Variants in CYP2A7 observed in about 807,000 individuals in gnomAD.
CYP2A7 encodes the protein cytochrome P450 family 2 subfamily A member 7, also known as cytochrome P450 2A7.
Under a neutral mutation model 42.0 loss-of-function variants are expected in CYP2A7, and 36 were observed. The ratio of observed to expected loss-of-function variants is 0.86; its 90% CI spans 0.66 to 1.13. The LOEUF (loss-of-function observed/expected upper bound fraction) is 1.13, where lower values mean the gene tolerates loss of function less well. CYP2A7 is among the 50% of genes most tolerant of loss of function. The pLI, the probability that CYP2A7 is intolerant of heterozygous loss-of-function variation, is 0.00. For missense variants in CYP2A7, 661 were observed against 634.1 expected (o/e 1.04, Z -0.46); for synonymous variants, 260 against 249.5 (o/e 1.04, Z -0.40).
Position 40,877,523 on chromosome 19 carries a change from C to G in CYP2A7, c.974-146G>C, listed in dbSNP as rs118168059. The G allele has an allele frequency of 1.0e-2, 12,955 of 1,296,926 alleles. 268 individuals are homozygous for G. The highest frequency in any genetic ancestry group is 0.012 in the Non-Finnish European group (11,212 of 952,908). The allele number at this position is 1,296,926 out of a possible 1,614,324, so 80.3% of individuals were successfully genotyped here. ...CATAACAGAACAGACATCGGCCATT[C>G]GCATTGTTGGAGTAGGATCCTGTTA... is the stretch of plus-strand genomic sequence containing the variant. On this transcript the variant is annotated intron_variant, in intron 6 of 8. Coordinates refer to ENST00000301146, the MANE Select transcript of CYP2A7 (RefSeq NM_000764.3).
rs1288558502 is a variant in CYP2A7, at chr19:40,881,712, C to G, written c.220G>C (p.Gly74Arg). Reference protein sequence around the residue: ...CYGPVFTIHLGPRRVVVLCGH... With the variant: ...CYGPVFTIHLRPRRVVVLCGH... ...CACAGCACCACGACCCGCCGGGGCC[C>G]CAAGTGAATGGTGAACACGGGGCCA... Residue 74 changes from glycine to arginine, a missense_variant, in exon 2 of 9, where the codon GGG (glycine) becomes CGG (arginine). By Grantham distance (125) the Gly-to-Arg change is moderately radical. This residue lies in a region of CYP2A7 where 614 missense variants were observed against 552.4 expected (regional missense o/e 1.11). Transcript: ENST00000301146. 4.3e-6 allele frequency: 7 copies of G among 1,610,790 alleles called. No homozygotes were observed. The highest frequency in any genetic ancestry group is 1.1e-5 in the South Asian group (1 of 90,616).
intron 5 of CYP2A7, 91 bp from the exon 6 acceptor site, chr19:40,878,084 C>T (rs3822479): frequency 0.3 from 423,307 of 1,395,504 alleles, 67,013 homozygotes; most frequent in Admixed American, 0.41. Flanking sequence ...TCTCTTTGGT[C>T]CAGACCAAAG....
rs779969613 is a variant in CYP2A7, at chr19:40,880,627, G to T, written c.345C>A (p.Gly115=). 1.7e-5 allele frequency: 27 copies of T among 1,586,978 alleles called. No individual in the cohort carries two copies. The East Asian group carries it at 2.0e-4, about 12-fold the overall frequency. ...ATFDWVFKGY[G]VAFSNGERAK... is the part of the protein sequence containing the mutation. ...CGCGCTCCCCGTTGCTGAACGCCACGCCTGGGGAGGTCAAGGCGGGGGTGG... is the reference window on the plus strand; with the variant it reads ...CGCGCTCCCCGTTGCTGAACGCCACTCCTGGGGAGGTCAAGGCGGGGGTGG... Residue 115 remains glycine, a splice_region_variant and synonymous_variant, in exon 3 of 9, where the codon GGC becomes GGA. Transcript: ENST00000301146.
chr19:40,877,294 C>T lies in CYP2A7; in HGVS notation c.1057G>A (p.Glu353Lys), dbSNP rs1174006564. 1.2e-6 allele frequency: 2 copies of T among 1,612,670 alleles called. No individual in the cohort carries two copies. Among genetic ancestry groups the T allele is most frequent in the Admixed American group, 3.3e-5 (2 of 59,824 alleles). ...FEDRTKMPYMEAVIHEIQRFG... is the reference protein window; with the variant it reads ...FEDRTKMPYMKAVIHEIQRFG... ...CTTTGGATCTCGTGGATCACTGCCT[C>T]CATGTAGGGCATCTTGGTCCGGTCC... The change falls in exon 7 of 9, where the codon GAG becomes AAG. Residue 353 changes from glutamate to lysine, a missense_variant. Physicochemically the swap from Glu to Lys is moderately conservative, Grantham distance 56. Transcript: ENST00000301146.
rs2302986 is a variant in CYP2A7, at chr19:40,877,310, G to C, written c.1041C>G (p.Thr347=). 0.12 allele frequency: 188,796 copies of C among 1,612,550 alleles called. 15,187 individuals are homozygous for C. The highest frequency in any genetic ancestry group is 0.18 in the East Asian group (8,232 of 44,840). ...KNRQPKFEDR[T]KMPYMEAVIH... is the part of the protein sequence containing the mutation. ...TCACTGCCTCCATGTAGGGCATCTT[G>C]GTCCGGTCCTCAAACTTGGGCTGCC... Residue 347 remains threonine (T), a synonymous_variant, in exon 7 of 9, where the codon ACC becomes ACG. Transcript: ENST00000301146.
At chr19:40,876,797 T>A in intron 7 of CYP2A7, 129 bp from the exon 8 acceptor site, 1 of 1,285,532 alleles carries the variant, frequency 7.8e-7, no homozygotes, top group Non-Finnish European at 1.1e-6. Flanking sequence ...GTTGGGGTCC[T>A]GTGAAGGAGG....
rs74219554 is a variant in CYP2A7, at chr19:40,880,642, G to T, written c.344-14C>A. 2.1e-5 allele frequency: 17 copies of T among 808,004 alleles called. No individual in the cohort carries two copies. The highest frequency in any genetic ancestry group is 3.0e-5 in the Non-Finnish European group (16 of 533,366). 50.1% of individuals were successfully genotyped at this position (808,004 alleles called of 1,614,324 possible). On this transcript the variant is annotated splice_polypyrimidine_tract_variant and intron_variant, in intron 2 of 8. Transcript: ENST00000301146. ...TGAACGCCACGCCTGGGGAGGTCAA[G>T]GCGGGGGTGGAGAGAGGTCAGGGGG...
Position 40,877,468 on chromosome 19 carries a change from G to A in CYP2A7, c.974-91C>T. 9.0e-6 allele frequency: 14 copies of A among 1,549,316 alleles called. 1 individual carries two copies. Among genetic ancestry groups the A allele is most frequent in the Non-Finnish European group, 1.1e-5 (13 of 1,140,142 alleles). Reference sequence around the variant, plus strand: ...TAGGTAAAACGGGGTGGATGATACGGCTCCCCCTATGAGACGGAGGTAGAG... The same window carrying A: ...TAGGTAAAACGGGGTGGATGATACGACTCCCCCTATGAGACGGAGGTAGAG... On this transcript the variant is annotated intron_variant, in intron 6 of 8. Coordinates refer to ENST00000301146, the MANE Select transcript of CYP2A7 (RefSeq NM_000764.3).
rs542250526 is a variant in CYP2A7, at chr19:40,879,993, C to T, written c.654+91G>A. 12 of 1,567,142 alleles carry T rather than the reference C, an allele frequency of 7.7e-6. 1 individual carries two copies. Among genetic ancestry groups the T allele is most frequent in the East Asian group, 2.3e-5 (1 of 43,760 alleles). ...GATTTTGAGGGGACACTGTCTGGAG[C>T]GGGGTGGGAGTTTGGGGCACCTGTC... On this transcript the variant is annotated intron_variant, in intron 4 of 8. Coordinates refer to ENST00000301146, the MANE Select transcript of CYP2A7 (RefSeq NM_000764.3).
At position 40,882,028 on chromosome 19, in the gene CYP2A7, C is replaced by T; in HGVS notation, c.180+3G>A. On this transcript the variant is annotated splice_donor_region_variant and intron_variant, in intron 1 of 8. Coordinates refer to ENST00000301146, the MANE Select transcript of CYP2A7 (RefSeq NM_000764.3). ...TGCCACCCATCTTCCTGCCTTGGGA[C>T]ACCTTCATGATGGAGTCACATATGT... The T allele has an allele frequency of 5.0e-6, 8 of 1,611,356 alleles. No homozygotes were observed. Among genetic ancestry groups the T allele is most frequent in the Non-Finnish European group, 6.8e-6 (8 of 1,178,068 alleles).
rs1227617358 is a variant in CYP2A7, at chr19:40,880,798, G to A, written c.344-170C>T. Among the ~76,000 whole-genome samples the A allele has an allele frequency of 5.0e-3, 137 of 27,428 alleles. 32 individuals are homozygous for A. Among genetic ancestry groups the A allele is most frequent in the African/African-American group, 0.016 (100 of 6,246 alleles). The allele number at this position is 27,428 out of a possible 152,430, so 18.0% of individuals were successfully genotyped here. On this transcript the variant is annotated intron_variant, in intron 2 of 8. Transcript: ENST00000301146. ...GCAAACTCAGTCAGAGAAACACGAG[G>A]GAGAGAGAGAGAGAGAGAGAGAGAG...
chr19:40,882,002 G>C (rs116439249), intron 1 of CYP2A7, 29 bp downstream of exon 1: 89,843 of 1,600,964 alleles, frequency 0.056, 2,916 homozygotes, highest in Middle Eastern at 0.12. Flanking sequence ...CCCCCACCCT[G>C]TGCCACCCAT....
In CYP2A7 at chr19:40,880,476, C is replaced by CA; in HGVS notation, c.493+2dup. The stretch of plus-strand genomic sequence containing the variant: ...GCCCCCGCACTCGGGGAACCTTACT[C>CA]ACCGTGCGTGCTCCGGATGGCCTCG... On this transcript the variant is annotated splice_region_variant and intron_variant, in intron 3 of 8. Coordinates refer to ENST00000301146, the MANE Select transcript of CYP2A7 (RefSeq NM_000764.3). The CA allele has an allele frequency of 6.2e-7, 1 of 1,612,370 alleles. No homozygotes were observed. Among genetic ancestry groups the CA allele is most frequent in the Non-Finnish European group, 8.5e-7 (1 of 1,178,816 alleles).
chr19:40,878,308 C>T (rs1258803491), intron 5 of CYP2A7, among the ~76,000 whole-genome samples: 1 of 151,758 alleles, frequency 6.6e-6, no homozygotes, highest in Non-Finnish European at 1.5e-5. Flanking sequence ...TGGGCTCAAG[C>T]AATCCTCCAC....
In CYP2A7 at chr19:40,881,588, C is replaced by T. The variant is rs1967689965; in HGVS notation, c.343+1G>A. ...CTTCCCCATCTTGGGCACCCCCTCA[C>T]CATAGCCTTTGAAGACCCAGTCGAA... is the stretch of plus-strand genomic sequence containing the variant. On this transcript the variant is annotated splice_donor_variant, in intron 2 of 8. Coordinates refer to ENST00000301146, the MANE Select transcript of CYP2A7 (RefSeq NM_000764.3). LOFTEE classifies it high-confidence loss of function. 1.2e-6 allele frequency: 2 copies of T among 1,611,782 alleles called. No individual in the cohort carries two copies. The highest frequency in any genetic ancestry group is 2.2e-5 in the South Asian group (2 of 90,936).
rs758994683 is a variant in CYP2A7 at position 40,878,821 on chromosome 19, C to T, written c.770G>A (p.Arg257His). The T allele has an allele frequency of 5.0e-5, 81 of 1,612,162 alleles. 2 individuals carry two copies. Among genetic ancestry groups the T allele is most frequent in the Non-Finnish European group, 6.4e-5 (75 of 1,178,770 alleles). The change falls in exon 5 of 9, where the codon CGC becomes CAC. Residue 257 changes from arginine (R) to histidine (H), a missense_variant. Arg to His is a conservative substitution (Grantham distance 29, BLOSUM62 0). Transcript: ENST00000301146. Reference protein sequence around the residue: ...FIAKKVEHNQRTLDPNSPQDF... With the variant: ...FIAKKVEHNQHTLDPNSPQDF... ...CTGTGGGGAATTGGGATCCAGCGTGCGCTGGTTGTGCTCCACCTTCTTGGC... is the reference window on the plus strand; with the variant it reads ...CTGTGGGGAATTGGGATCCAGCGTGTGCTGGTTGTGCTCCACCTTCTTGGC...
At chr19:40,880,846 AGAG>A in intron 2 of CYP2A7, among the ~76,000 whole-genome samples, 1 of 124,334 alleles carries the variant, frequency 8.0e-6, no homozygotes, top group African/African-American at 3.1e-5. Flanking sequence ...AGAGAGAGAG[AGAG>A]AGAGAGAGAG....
In CYP2A7 at chr19:40,875,588, C is replaced by G. The variant is rs1404580573; in HGVS notation, c.*105G>C. 3.8e-6 allele frequency: 6 copies of G among 1,569,044 alleles called. No individual in the cohort carries two copies. Among genetic ancestry groups the G allele is most frequent in the Non-Finnish European group, 5.2e-6 (6 of 1,151,332 alleles). On this transcript the variant is annotated 3_prime_UTR_variant, in exon 9 of 9. Coordinates refer to ENST00000301146, the MANE Select transcript of CYP2A7 (RefSeq NM_000764.3). Reference sequence around the variant, plus strand: ...CTCTAGCCACCACGCCCCTTCCTTTCCCGCATCTTCCCCCCATTCTTATAC... The same window carrying G: ...CTCTAGCCACCACGCCCCTTCCTTTGCCGCATCTTCCCCCCATTCTTATAC...
In CYP2A7 at chr19:40,876,645, C is replaced by T. The variant is rs762451153; in HGVS notation, c.1185G>A (p.Leu395=). Residue 395 remains leucine, a synonymous_variant, in exon 8 of 9, where the codon CTG becomes CTA. Transcript: ENST00000301146. The stretch of plus-strand genomic sequence containing the variant: ...AGCTGGGGTCTCTCAGCACGGAGCC[C>T]AGCATAGGGAACACTTCGGTGCCCT... ...LPKGTEVFPM[L]GSVLRDPSFF... is the part of the protein sequence containing the mutation. 6.2e-7 allele frequency: 1 copy of T among 1,612,614 alleles called. No individual in the cohort carries two copies. The highest frequency in any genetic ancestry group is 1.3e-5 in the African/African-American group (1 of 74,844).
Sources: gnomAD v4.1 joint callset for allele counts (sites outside exome capture counted in the v4.1 genomes callset) on GRCh38, gnomAD v4.1.1 for gene constraint, gnomAD v4.1.1 regional missense constraint, MANE v1.5 for transcripts, NCBI Gene and HGNC (gene_info 2026-07-23, HGNC 2026-07-21) for gene names.